GMDS: variants seen among roughly 807,000 people sequenced by gnomAD.
GMDS encodes the protein GDP-mannose 4,6 dehydratase.
A neutral mutation model predicts 49.9 loss-of-function variants in GMDS; 20 were observed. The ratio of observed to expected loss-of-function variants is 0.40; its 90% confidence interval spans 0.28 to 0.58. The LOEUF (loss-of-function observed/expected upper bound fraction) is 0.58, where lower values mean the gene tolerates loss of function less well. GMDS is among the 20% of genes least tolerant of loss of function. The pLI, the probability that GMDS is intolerant of heterozygous loss-of-function variation, is 0.42. For missense variants in GMDS, 362 were observed against 481.4 expected (o/e 0.75, Z 2.32); for synonymous variants, 177 against 178.6 (o/e 0.99, Z 0.07).
intron 4 of GMDS, among the ~76,000 whole-genome samples, chr6:2,042,310 T>C (rs1473138777): frequency 6.6e-6 from 1 of 152,178 alleles, no homozygotes; most frequent in East Asian, 1.9e-4. Context: ...TAAGGAAATT[T>C]CCTGGCCTCT....
intron 4 of GMDS, among the ~76,000 whole-genome samples, chr6:1,989,392 G>A (rs1046432287): frequency 4.7e-5 from 7 of 150,290 alleles, no homozygotes; most frequent in African/African-American, 1.8e-4. Context: ...AGGGAAAAAA[G>A]AGAGAGAGAT....
At chr6:1,801,056 TC>T (rs1769928639) in intron 7 of GMDS, among the ~76,000 whole-genome samples, 2 of 152,308 alleles carry the variant, frequency 1.3e-5, no homozygotes, top group South Asian at 4.2e-4. Context: ...AAAGTGACAC[TC>T]GGGGGATACA....
intron 9 of GMDS, among the ~76,000 whole-genome samples, chr6:1,642,151 ATCTTTT>A (rs1763349465): frequency 1.7e-5 from 2 of 115,256 alleles, no homozygotes; most frequent in Admixed American, 1.0e-4. Flanking sequence ...GGCAGTTTCC[ATCTTTT>A]TTTTTTTTTT....
chr6:1,890,644 G>A (rs955260895), intron 7 of GMDS, among the ~76,000 whole-genome samples: 1 of 152,116 alleles, frequency 6.6e-6, no homozygotes, highest in Non-Finnish European at 1.5e-5. Flanking sequence ...AGAAGGCTAT[G>A]TCTAATTAAA....
intron 1 of GMDS, among the ~76,000 whole-genome samples, chr6:2,143,584 G>A (rs1776413624): frequency 6.6e-6 from 1 of 152,034 alleles, no homozygotes; most frequent in Non-Finnish European, 1.5e-5. Flanking sequence ...GATTACCACA[G>A]AACTGTCTGG....
chr6:2,094,311 C>A (rs930624551), intron 4 of GMDS, among the ~76,000 whole-genome samples: 6 of 152,278 alleles, frequency 3.9e-5, no homozygotes, highest in Admixed American at 2.6e-4. Context: ...GCTAGATCTA[C>A]AAGATTGCAA....
In GMDS at chr6:1,752,506, C is replaced by T. The variant is rs921541253; in HGVS notation, c.772-9920G>A. ...AACTTCCCCAATCTAGCAAGACAGG[C>T]GAACATTCAAATTCAGGAAATAAAG... On this transcript the variant is annotated intron_variant, in intron 7 of 10. Coordinates refer to ENST00000380815, the MANE Select transcript of GMDS (RefSeq NM_001500.4). 7.9e-5 allele frequency among the ~76,000 whole-genome samples: 12 copies of T among 152,060 alleles called. No individual in the cohort carries two copies. In the South Asian group the frequency reaches 1.2e-3, roughly 16 times the overall value.
In GMDS at chr6:2,104,948, T is replaced by C. The variant is rs572084290; in HGVS notation, c.345+10823A>G. Among the ~76,000 whole-genome samples the C allele has an allele frequency of 9.5e-4, 145 of 152,136 alleles. 3 individuals are homozygous for C. The South Asian group carries it at 0.012, about 13-fold the overall frequency. On this transcript the variant is annotated intron_variant, in intron 4 of 10. Transcript: ENST00000380815. ...CTATAATCCCAGCACTTTGGGAGGCTGAGGCGGGCAGATCACAAAGTCAGG... is the reference window on the plus strand; with the variant it reads ...CTATAATCCCAGCACTTTGGGAGGCCGAGGCGGGCAGATCACAAAGTCAGG...
chr6:1,968,231 CATA>C (rs1764377570), intron 4 of GMDS, among the ~76,000 whole-genome samples: 3 of 152,246 alleles, frequency 2.0e-5, no homozygotes, highest in East Asian at 1.9e-4. Flanking sequence ...ATTGACTAGT[CATA>C]ATAATGACAA....
intron 4 of GMDS, among the ~76,000 whole-genome samples, chr6:2,070,241 G>A (rs1459121070): frequency 1.4e-5 from 2 of 143,824 alleles, no homozygotes; most frequent in African/African-American, 2.6e-5. Flanking sequence ...ACACAAGAAG[G>A]GGAACATCAC....
At chr6:2,082,178 G>C (rs116282513) in intron 4 of GMDS, among the ~76,000 whole-genome samples, 1 of 151,964 alleles carries the variant, frequency 6.6e-6, no homozygotes, top group African/African-American at 2.4e-5. Flanking sequence ...ACACGTGTGC[G>C]CACACACACA....
intron 1 of GMDS, among the ~76,000 whole-genome samples, chr6:2,174,574 G>T (rs1390103459): frequency 6.6e-6 from 1 of 151,826 alleles, no homozygotes; most frequent in Non-Finnish European, 1.5e-5. Context: ...GTTTTGTTTT[G>T]TTTTTTAAAT....
chr6:2,032,579 A>G (rs898808396), intron 4 of GMDS, among the ~76,000 whole-genome samples: 10 of 152,192 alleles, frequency 6.6e-5, no homozygotes, highest in Admixed American at 4.6e-4. Flanking sequence ...TGCCTACTAC[A>G]CAACAAGTAT....
intron 7 of GMDS, among the ~76,000 whole-genome samples, chr6:1,818,760 T>C (rs1252276214): frequency 4.6e-5 from 7 of 151,950 alleles, no homozygotes; most frequent in African/African-American, 1.7e-4. Context: ...TAAATATACA[T>C]AGACCCTGGA....
intron 7 of GMDS, among the ~76,000 whole-genome samples, chr6:1,784,971 A>T (rs1769259771): frequency 6.6e-6 from 1 of 152,232 alleles, no homozygotes; most frequent in African/African-American, 2.4e-5. Context: ...TTACTTAGAG[A>T]ATTTTCAAGA....
chr6:2,167,995 T>C (rs1458171846), intron 1 of GMDS, among the ~76,000 whole-genome samples: 1 of 152,238 alleles, frequency 6.6e-6, no homozygotes, highest in Admixed American at 6.5e-5. Context: ...TATTATGTCC[T>C]ACCAATTTTA....
chr6:2,221,480 C>A (rs1780586265), intron 1 of GMDS, among the ~76,000 whole-genome samples: 1 of 152,124 alleles, frequency 6.6e-6, no homozygotes, highest in South Asian at 2.1e-4. Context: ...TCCCGGCCTC[C>A]CGGGTTCACA....
At chr6:2,234,306 G>T (rs1485165191) in intron 1 of GMDS, among the ~76,000 whole-genome samples, 2 of 152,042 alleles carry the variant, frequency 1.3e-5, no homozygotes, top group African/African-American at 2.4e-5. Flanking sequence ...AAAATATGCA[G>T]ATTTCTAGAT....
chr6:1,861,821 T>C (rs1758201793), intron 7 of GMDS, among the ~76,000 whole-genome samples: 1 of 152,140 alleles, frequency 6.6e-6, no homozygotes, highest in African/African-American at 2.4e-5. Flanking sequence ...TAGGGTTTTA[T>C]AAACACATTT....
Sources: gnomAD v4.1 joint callset for allele counts (sites outside exome capture counted in the v4.1 genomes callset) on GRCh38, gnomAD v4.1.1 for gene constraint, MANE v1.5 for transcripts, NCBI Gene and HGNC (gene_info 2026-07-23, HGNC 2026-07-21) for gene names.